The following FMN1 variants were observed in gnomAD, a reference collection of about 807,000 sequenced individuals.
The protein encoded by FMN1 is formin-1.
Under a neutral mutation model 132.4 loss-of-function variants are expected in FMN1, and 110 were observed. That is an observed-to-expected ratio of 0.83 (90% confidence interval 0.71 to 0.97). The LOEUF is 0.97. FMN1 is among the 50% of genes least tolerant of loss of function. The pLI, the probability that FMN1 is intolerant of heterozygous loss-of-function variation, is 0.00. For synonymous variants in FMN1, 722 were observed against 651.7 expected (o/e 1.11, Z -1.64); for missense variants, 1,792 against 1,705.3 (o/e 1.05, Z -0.90).
chr15:32,954,070 A>G (rs1001569190), intron 9 of FMN1, among the ~76,000 whole-genome samples: 1 of 152,200 alleles, frequency 6.6e-6, no homozygotes, highest in Non-Finnish European at 1.5e-5. Flanking sequence ...ATGACTGGAC[A>G]TACAACAACT....
chr15:33,067,807 AGCCACTTCAAGTCCG>A, intron 5 of FMN1: 1 of 1,614,018 alleles, frequency 6.2e-7, no homozygotes. Context: ...GGATCGACTG[AGCCACTTCAAGTCCG>A]GCTTCTGGTT....
chr15:32,797,738 C>T (rs867999677), intron 19 of FMN1, among the ~76,000 whole-genome samples: 17 of 151,998 alleles, frequency 1.1e-4, no homozygotes, highest in African/African-American at 4.1e-4. Context: ...CTTTTTTTAG[C>T]TCCCTGAGAA....
intron 4 of FMN1, among the ~76,000 whole-genome samples, chr15:33,134,752 A>C (rs530691080): frequency 6.6e-6 from 1 of 152,366 alleles, no homozygotes; most frequent in Non-Finnish European, 1.5e-5. Context: ...CTATAATCCC[A>C]GCACTTTGGG....
At chr15:32,781,742 T>C (rs1159657420) in intron 19 of FMN1, among the ~76,000 whole-genome samples, 1 of 152,218 alleles carries the variant, frequency 6.6e-6, no homozygotes, top group East Asian at 1.9e-4. Context: ...TATCCTTGGA[T>C]AAGTCATGTA....
At position 33,116,065 on chromosome 15, in the gene FMN1, T is replaced by C. The variant is rs531930938; in HGVS notation, c.1868-27091A>G. Among the ~76,000 whole-genome samples the C allele has an allele frequency of 5.3e-5, 8 of 152,246 alleles. 1 individual carries two copies. Among genetic ancestry groups the C allele is most frequent in the East Asian group, 1.9e-4 (1 of 5,172 alleles). ...CTTAAAGGTATATCCAGAAAGACTA[T>C]AGAGATCCAACTATAAAAAGACATT... On this transcript the variant is annotated intron_variant, in intron 4 of 20. Coordinates refer to ENST00000616417, the MANE Select transcript of FMN1 (RefSeq NM_001277313.2).
chr15:32,812,519 A>G (rs1407933761), intron 17 of FMN1, among the ~76,000 whole-genome samples: 2 of 152,172 alleles, frequency 1.3e-5, no homozygotes, highest in African/African-American at 4.8e-5. Flanking sequence ...CTTGAAGGTA[A>G]TTTTATTCTT....
intron 12 of FMN1, chr15:32,908,265 G>T: frequency 4.3e-6 from 2 of 467,034 alleles, no homozygotes; most frequent in East Asian, 3.4e-5. Flanking sequence ...GGAGTCTCTT[G>T]GGGTGGGGGA....
At chr15:33,002,293 C>G (rs1305222824) in intron 7 of FMN1, among the ~76,000 whole-genome samples, 1 of 152,136 alleles carries the variant, frequency 6.6e-6, no homozygotes, top group Non-Finnish European at 1.5e-5. Flanking sequence ...GAAAGAAAAT[C>G]TAACAATGAT....
At position 32,766,562 on chromosome 15, in the gene FMN1, A is replaced by C. The variant is rs2056055799; in HGVS notation, c.*7748T>G. ...CCCCACCCCGCCCAATCTTCTTAAAATAAAATAAAAAGAGACGTATTTTCC... is the reference window on the plus strand; with the variant it reads ...CCCCACCCCGCCCAATCTTCTTAAACTAAAATAAAAAGAGACGTATTTTCC... On this transcript the variant is annotated 3_prime_UTR_variant, in exon 21 of 21. Coordinates refer to ENST00000616417, the MANE Select transcript of FMN1 (RefSeq NM_001277313.2). 7.3e-6 allele frequency: 1 copy of C among 137,126 alleles called. No homozygotes were observed. The highest frequency in any genetic ancestry group is 2.7e-5 in the African/African-American group (1 of 36,942). The allele number at this position is 137,126 out of a possible 1,614,324, so 8.5% of individuals were successfully genotyped here. A position where few individuals can be genotyped will look rare whatever the true frequency, so the allele number is the denominator to read the frequency against.
At chr15:33,109,295 AAT>A (rs2039605937) in intron 4 of FMN1, among the ~76,000 whole-genome samples, 1 of 152,140 alleles carries the variant, frequency 6.6e-6, no homozygotes, top group Non-Finnish European at 1.5e-5. Context: ...TCAAAACATT[AAT>A]AGATAAATGG....
At chr15:32,890,379 A>G (rs932693375) in intron 15 of FMN1, among the ~76,000 whole-genome samples, 1 of 152,236 alleles carries the variant, frequency 6.6e-6, no homozygotes, top group Non-Finnish European at 1.5e-5. Context: ...ACAAGTTTAC[A>G]TTCCCACCTG....
chr15:32,924,606 A>AT (rs1234981087), intron 10 of FMN1, among the ~76,000 whole-genome samples: 20 of 152,224 alleles, frequency 1.3e-4, no homozygotes, highest in African/African-American at 4.8e-4. Flanking sequence ...CTCAGCAAAT[A>AT]TAAGTGAAAT....
intron 6 of FMN1, among the ~76,000 whole-genome samples, chr15:33,041,469 TA>T: frequency 8.1e-6 from 1 of 123,536 alleles, no homozygotes; most frequent in African/African-American, 3.1e-5. Flanking sequence ...TCCTCACCAG[TA>T]AACAAAAAAA....
intron 7 of FMN1, among the ~76,000 whole-genome samples, chr15:33,000,374 G>C (rs1269372696): frequency 6.6e-6 from 1 of 151,622 alleles, no homozygotes; most frequent in East Asian, 1.9e-4. Context: ...GCGTGAACCT[G>C]GGAGGCAGAG....
chr15:33,023,059 C>CAAAAAAAAAAA (rs758459713), intron 6 of FMN1, among the ~76,000 whole-genome samples: 2 of 53,210 alleles, frequency 3.8e-5, no homozygotes, highest in Non-Finnish European at 6.8e-5. Context: ...CTCCCCCACC[C>CAAAAAAAAAAA]AAAAAAAAAA....
chr15:32,838,132 T>G (rs1342290923), intron 17 of FMN1, among the ~76,000 whole-genome samples: 1 of 152,046 alleles, frequency 6.6e-6, no homozygotes, highest in Non-Finnish European at 1.5e-5. Context: ...CAGTGATTCC[T>G]GAATATGAAG....
At chr15:32,890,166 CTT>C (rs944787277) in intron 15 of FMN1, among the ~76,000 whole-genome samples, 23 of 152,204 alleles carry the variant, frequency 1.5e-4, no homozygotes, top group African/African-American at 5.1e-4. Context: ...TTTAATCACT[CTT>C]TGACTGATGG....
intron 6 of FMN1, among the ~76,000 whole-genome samples, chr15:33,025,598 G>A (rs1460914553): frequency 2.0e-5 from 3 of 152,190 alleles, no homozygotes; most frequent in African/African-American, 7.2e-5. Context: ...TCAGCAATTT[G>A]TGAAACCCAA....
chr15:32,814,529 T>C (rs1200692225), intron 17 of FMN1, among the ~76,000 whole-genome samples: 3 of 152,190 alleles, frequency 2.0e-5, no homozygotes, highest in Admixed American at 6.5e-5. Flanking sequence ...TAGGAAATAT[T>C]AGGAATTGCA....
Sources: allele counts gnomAD v4.1 joint callset (sites outside exome capture counted in the v4.1 genomes callset), GRCh38; gene constraint gnomAD v4.1.1; transcripts MANE v1.5; gene names NCBI Gene and HGNC (gene_info 2026-07-23, HGNC 2026-07-21).